The following TBL1XR1 variants were observed in gnomAD, a reference collection of about 807,000 sequenced individuals.
TBL1XR1 encodes the protein TBL1X/Y related 1, also known as F-box-like/WD repeat-containing protein TBL1XR1.
TBL1XR1 carries 5 observed loss-of-function variants against 66.9 expected under a neutral mutation model. That is an observed-to-expected ratio of 0.07 (90% CI 0.04 to 0.16). The LOEUF (loss-of-function observed/expected upper bound fraction) is 0.16. TBL1XR1 is among the 10% of genes least tolerant of loss of function. The probability of loss-of-function intolerance (pLI) is 1.00; values close to 1 mark genes in which losing one functional copy is unlikely to be tolerated. For missense variants in TBL1XR1, 238 were observed against 623.2 expected (o/e 0.38, Z 6.58); for synonymous variants, 210 against 206.0 (o/e 1.02, Z -0.17).
At chr3:177,125,886 A>T (rs1727558220) in intron 1 of TBL1XR1, 1 of 152,250 alleles carries the variant, frequency 6.6e-6, no homozygotes, top group Non-Finnish European at 1.5e-5. Flanking sequence ...ATGGGCTATT[A>T]ATCATTATTA....
intron 1 of TBL1XR1, among the ~76,000 whole-genome samples, chr3:177,103,957 A>T (rs1024689957): frequency 1.3e-5 from 2 of 152,216 alleles, no homozygotes; most frequent in African/African-American, 4.8e-5. Flanking sequence ...CTCTAATGAA[A>T]ATACAAAAAT....
rs1182240179 is a variant in TBL1XR1, at chr3:177,088,234, A to G, written c.-46+10232T>C. Among the ~76,000 whole-genome samples, 4 of 152,304 alleles carry G rather than the reference A, an allele frequency of 2.6e-5. No homozygotes were observed. In the East Asian group the frequency reaches 7.7e-4, roughly 29 times the overall value. ...AAATTCAAAATCCAGAATGTTCCAA[A>G]ATCTGCAGTTTTTGGAGCAGTGACA... On this transcript the variant is annotated intron_variant, in intron 2 of 15. Coordinates refer to ENST00000457928, the MANE Select transcript of TBL1XR1 (RefSeq NM_024665.7).
chr3:177,153,877 CAA>C (rs1007822226), intron 1 of TBL1XR1, among the ~76,000 whole-genome samples: 524 of 43,036 alleles, frequency 0.012, 9 homozygotes, highest in African/African-American at 0.042. Flanking sequence ...AACTCCATCT[CAA>C]AAAAAAAAAA....
chr3:177,088,710 TAA>T (rs141356787), intron 2 of TBL1XR1, among the ~76,000 whole-genome samples: 11 of 126,878 alleles, frequency 8.7e-5, no homozygotes, highest in Admixed American at 1.6e-4. Context: ...TTCATTTGTT[TAA>T]AAAAAAAAAA....
rs543150880 is a variant in TBL1XR1, at chr3:177,038,559, T to C, written c.926-125A>G. The stretch of plus-strand genomic sequence containing the variant: ...GGCACTTAAACATTTTACTTTATAC[T>C]TTTTAAGATATTAAGAAAAAATTAA... On this transcript the variant is annotated intron_variant, in intron 10 of 15. Transcript: ENST00000457928. 6.4e-5 allele frequency: 58 copies of C among 905,318 alleles called. 1 individual carries two copies. The Admixed American group carries it at 1.6e-3, about 25-fold the overall frequency. The allele number at this position is 905,318 out of a possible 1,614,324, so 56.1% of individuals were successfully genotyped here. A position where few individuals can be genotyped will look rare whatever the true frequency, so the allele number is the denominator to read the frequency against.
chr3:177,125,925 T>A (rs1727563347), intron 1 of TBL1XR1: 1 of 152,212 alleles, frequency 6.6e-6, no homozygotes, highest in African/African-American at 2.4e-5. Context: ...GATACCACAT[T>A]TCTTTTGTTT....
At chr3:177,044,606 T>A (rs1716066293) in intron 10 of TBL1XR1, among the ~76,000 whole-genome samples, 1 of 152,174 alleles carries the variant, frequency 6.6e-6, no homozygotes, top group African/African-American at 2.4e-5. Flanking sequence ...GGTGTATACA[T>A]ATGTCAAAAT....
rs559204430 is a variant in TBL1XR1 at position 177,034,609 on chromosome 3, C to T, written c.1123-284G>A. Among the ~76,000 whole-genome samples, 11 of 151,804 alleles carry T rather than the reference C, an allele frequency of 7.2e-5. No homozygotes were observed. The South Asian group carries it at 2.3e-3, about 32-fold the overall frequency. ...GTTGTTCTGAGATTAGTTAACGATC[C>T]TAAAATGTTGAAGGCACAGTTTTTA... is the stretch of plus-strand genomic sequence containing the variant. On this transcript the variant is annotated intron_variant, in intron 12 of 15. Coordinates refer to ENST00000457928, the MANE Select transcript of TBL1XR1 (RefSeq NM_024665.7).
intron 10 of TBL1XR1, among the ~76,000 whole-genome samples, chr3:177,045,243 GGTTA>G (rs1200443722): frequency 2.0e-5 from 3 of 151,964 alleles, no homozygotes; most frequent in African/African-American, 4.8e-5. Flanking sequence ...GAATAACCAG[GGTTA>G]TTTTAGTCAG....
At chr3:177,153,694 C>T (rs1369309444) in intron 1 of TBL1XR1, among the ~76,000 whole-genome samples, 1 of 151,926 alleles carries the variant, frequency 6.6e-6, no homozygotes, top group Non-Finnish European at 1.5e-5. Context: ...TTGAGACCAG[C>T]CTGGCAGACA....
chr3:177,092,273 T>C (rs1003838869), intron 2 of TBL1XR1, among the ~76,000 whole-genome samples: 1 of 151,966 alleles, frequency 6.6e-6, no homozygotes, highest in Non-Finnish European at 1.5e-5. Flanking sequence ...CCTCCCAAAA[T>C]AATAAAGGAA....
At chr3:177,101,650 C>T (rs936453113) in intron 1 of TBL1XR1, among the ~76,000 whole-genome samples, 28 of 152,166 alleles carry the variant, frequency 1.8e-4, no homozygotes, top group Admixed American at 6.5e-5. Flanking sequence ...TTCCCACAGG[C>T]GGCCCCTCAA....
rs1340273656 is a variant in TBL1XR1, at chr3:177,034,415, C to T, written c.1123-90G>A. 1.0e-5 allele frequency: 9 copies of T among 865,770 alleles called. No individual in the cohort carries two copies. In the East Asian group the frequency reaches 2.5e-4, roughly 24 times the overall value. The allele number at this position is 865,770 out of a possible 1,614,324, so 53.6% of individuals were successfully genotyped here. A position where few individuals can be genotyped will look rare whatever the true frequency, so the allele number is the denominator to read the frequency against. On this transcript the variant is annotated intron_variant, in intron 12 of 15. Coordinates refer to ENST00000457928, the MANE Select transcript of TBL1XR1 (RefSeq NM_024665.7). ...TTTGACACTTAAAATATTATATGGA[C>T]AGTCTAAAACATGAGTGATATAACC...
chr3:177,049,589 T>C (rs1716773524), intron 7 of TBL1XR1, among the ~76,000 whole-genome samples: 2 of 152,178 alleles, frequency 1.3e-5, no homozygotes, highest in Admixed American at 6.5e-5. Context: ...AACATGTTTT[T>C]TGCTACACAG....
chr3:177,082,162 A>G (rs1438047189), intron 2 of TBL1XR1, among the ~76,000 whole-genome samples: 1 of 152,186 alleles, frequency 6.6e-6, no homozygotes, highest in African/African-American at 2.4e-5. Flanking sequence ...GCTACGCACA[A>G]CATAGCACTT....
At chr3:177,070,888 G>T (rs1490485048) in intron 2 of TBL1XR1, among the ~76,000 whole-genome samples, 1 of 151,816 alleles carries the variant, frequency 6.6e-6, no homozygotes, top group Non-Finnish European at 1.5e-5. Flanking sequence ...CTAAAATCAA[G>T]ATCTGTCAAA....
chr3:177,048,086 T>A (rs1271625033), intron 7 of TBL1XR1, among the ~76,000 whole-genome samples: 1 of 152,172 alleles, frequency 6.6e-6, no homozygotes, highest in Non-Finnish European at 1.5e-5. Flanking sequence ...TATTAATCCC[T>A]TCCCACTATG....
intron 1 of TBL1XR1, among the ~76,000 whole-genome samples, chr3:177,101,877 T>C (rs1724263823): frequency 6.6e-6 from 1 of 152,176 alleles, no homozygotes. Flanking sequence ...CAAATAGCAT[T>C]ATGTACAATA....
intron 3 of TBL1XR1, among the ~76,000 whole-genome samples, chr3:177,055,720 A>C (rs943346957): frequency 3.3e-5 from 5 of 152,140 alleles, no homozygotes; most frequent in African/African-American, 1.2e-4. Context: ...AAAATCCTTA[A>C]GCAGTGAGGT....
Sources: allele counts gnomAD v4.1 joint callset (sites outside exome capture counted in the v4.1 genomes callset), GRCh38; gene constraint gnomAD v4.1.1; transcripts MANE v1.5; gene names NCBI Gene and HGNC (gene_info 2026-07-23, HGNC 2026-07-21).